The following PDE6A variants were observed in gnomAD, a reference collection of about 807,000 sequenced individuals.
PDE6A encodes the protein rod cGMP-specific 3',5'-cyclic phosphodiesterase subunit alpha.
Under a neutral mutation model 106.3 loss-of-function variants are expected in PDE6A, and 84 were observed. That is an observed-to-expected ratio of 0.79 (90% CI 0.66 to 0.95). The LOEUF is 0.95. Among genes scored for constraint, PDE6A ranks in the 40% least tolerant of loss-of-function variants. The pLI is 0.00. For synonymous variants in PDE6A, 394 were observed against 386.6 expected, an observed-to-expected ratio of 1.02 and a Z score of -0.23; for missense variants, 1,052 against 1,084.9, an observed-to-expected ratio of 0.97 and a Z score of 0.43.
At chr5:149,898,079 C>T (rs1752824339) in intron 10 of PDE6A, among the ~76,000 whole-genome samples, 1 of 152,156 alleles carries the variant, frequency 6.6e-6, no homozygotes, top group African/African-American at 2.4e-5. Flanking sequence ...AACATCTGAC[C>T]CCAAGAATGA....
chr5:149,875,078 A>T (rs1760690385), intron 17 of PDE6A, among the ~76,000 whole-genome samples: 1 of 152,176 alleles, frequency 6.6e-6, no homozygotes, highest in South Asian at 2.1e-4. Flanking sequence ...TAACAGCTAC[A>T]TGCTACCCAG....
At chr5:149,934,432 C>T (rs1482873074) in intron 2 of PDE6A, 134 bp downstream of exon 2, 20 of 870,680 alleles carry the variant, frequency 2.3e-5, no homozygotes, top group Non-Finnish European at 3.9e-5. Context: ...CTGCCTCCCT[C>T]AGAGAACATC....
chr5:149,923,427 G>C (rs541595738), intron 4 of PDE6A, among the ~76,000 whole-genome samples: 2 of 152,104 alleles, frequency 1.3e-5, no homozygotes, highest in African/African-American at 2.4e-5. Flanking sequence ...GAACCCGGGA[G>C]GGGGAGGTTG....
At chr5:149,861,750 G>T (rs1008714143) in intron 21 of PDE6A, among the ~76,000 whole-genome samples, 5 of 151,884 alleles carry the variant, frequency 3.3e-5, no homozygotes, top group Non-Finnish European at 1.5e-5. Flanking sequence ...AAAAATGTTG[G>T]TACTGATTCT....
intron 5 of PDE6A, among the ~76,000 whole-genome samples, chr5:149,920,942 A>AAAAGAAAGAAAGAAGAAAGAAAG (rs1554091216): frequency 4.6e-5 from 5 of 108,350 alleles, no homozygotes; most frequent in South Asian, 6.6e-4. Context: ...GAAAGAGAGA[A>AAAAGAAAGAAAGAAGAAAGAAAG]AAAGAAAGAA....
At chr5:149,929,613 T>TAAATAAATAAAA (rs541984332) in intron 4 of PDE6A, among the ~76,000 whole-genome samples, 2,045 of 148,986 alleles carry the variant, frequency 0.014, 47 homozygotes, top group African/African-American at 0.047. Context: ...TCTCAAAAAA[T>TAAATAAATAAAA]AAATAAATAA....
intron 1 of PDE6A, among the ~76,000 whole-genome samples, chr5:149,936,158 A>AAGGAAGGAAGGAAGG (rs1554092688): frequency 8.4e-5 from 11 of 130,636 alleles, no homozygotes; most frequent in African/African-American, 3.5e-4. Flanking sequence ...TGTCTCTAAA[A>AAGGAAGGAAGGAAGG]AAGGAAGGAA....
chr5:149,896,000 A>G (rs1241065079), intron 12 of PDE6A, among the ~76,000 whole-genome samples: 1 of 152,276 alleles, frequency 6.6e-6, no homozygotes, highest in Admixed American at 6.5e-5. Context: ...AAACCTTAGT[A>G]AGGAATCCTG....
chr5:149,929,223 C>A (rs1354772784), intron 4 of PDE6A, among the ~76,000 whole-genome samples: 1 of 152,140 alleles, frequency 6.6e-6, no homozygotes, highest in Non-Finnish European at 1.5e-5. Flanking sequence ...TGTCCACCAA[C>A]AGTGGAAATG....
At position 149,933,292 on chromosome 5, in the gene PDE6A, A is replaced by T. The variant is rs143424717; in HGVS notation, c.717+638T>A. Among the ~76,000 whole-genome samples the T allele has an allele frequency of 1.2e-4, 19 of 152,288 alleles. No homozygotes were observed. In the South Asian group the frequency reaches 2.7e-3, roughly 22 times the overall value. ...CCATTATCATCCATTTATTTTAAAA[A>T]TTTTATTTTAAAAATAGAGATGGGG... On this transcript the variant is annotated intron_variant, in intron 3 of 21. Transcript: ENST00000255266.
intron 17 of PDE6A, among the ~76,000 whole-genome samples, chr5:149,871,794 G>A (rs1561685970): frequency 1.3e-5 from 2 of 152,304 alleles, no homozygotes; most frequent in South Asian, 4.1e-4. Context: ...GCTTCAGTGT[G>A]GAAGGGACAG....
intron 6 of PDE6A, 32 bp from the exon 7 acceptor site, chr5:149,907,410 CAG>C (rs1561751338): frequency 6.3e-7 from 1 of 1,575,676 alleles, no homozygotes; most frequent in East Asian, 2.2e-5. Context: ...CGGTGACTCT[CAG>C]TGCAGGGATT....
At chr5:149,896,614 G>T (rs1030185350) in intron 11 of PDE6A, 97 bp downstream of exon 11, 2 of 1,613,606 alleles carry the variant, frequency 1.2e-6, no homozygotes, top group Non-Finnish European at 1.7e-6. Context: ...AGAACAGAGT[G>T]ATGGGGAACA....
At position 149,860,952 on chromosome 5, in the gene PDE6A, C is replaced by CCG. The variant is rs1561667840; in HGVS notation, c.2525_2526insCG (p.Asn845GlufsTer48). 1.2e-6 allele frequency: 2 copies of CCG among 1,614,116 alleles called. No individual in the cohort carries two copies. ...CACCCCCTGGGCTGGGGTTTCCCCCCGGCTGATTTCCTGCGGCTGCTGCAA... is the reference window on the plus strand; with the variant it reads ...CACCCCCTGGGCTGGGGTTTCCCCCCCGGGCTGATTTCCTGCGGCTGCTGCAA... On this transcript the variant is annotated frameshift_variant, in exon 22 of 22. Transcript: ENST00000255266. LOFTEE classifies it high-confidence loss of function.
chr5:149,896,071 G>A (rs1219829313), intron 12 of PDE6A, among the ~76,000 whole-genome samples: 1 of 152,110 alleles, frequency 6.6e-6, no homozygotes, highest in Non-Finnish European at 1.5e-5. Flanking sequence ...TTTAACTATA[G>A]GACCCATTTT....
intron 4 of PDE6A, among the ~76,000 whole-genome samples, chr5:149,924,266 CAGA>C (rs1376144829): frequency 1.3e-5 from 2 of 152,008 alleles, no homozygotes; most frequent in East Asian, 1.9e-4. Context: ...TAGAGGAGCC[CAGA>C]AGAAGAACAA....
intron 18 of PDE6A, 99 bp downstream of exon 18, chr5:149,867,996 T>C (rs1760392751): frequency 1.6e-6 from 2 of 1,246,136 alleles, no homozygotes; most frequent in Non-Finnish European, 2.4e-6. Context: ...GGGACACAGG[T>C]GAGCTGGTTC....
intron 7 of PDE6A, among the ~76,000 whole-genome samples, chr5:149,906,519 C>CAAAAAAAAAAAAAACAAAAAAAAAAAAAA (rs1753189884): frequency 1.8e-5 from 1 of 54,204 alleles, no homozygotes; most frequent in Non-Finnish European, 4.0e-5. Flanking sequence ...GAGACACTGT[C>CAAAAAAAAAAAAAACAAAAAAAAAAAAAA]AAAAAAAAAA....
chr5:149,918,395 G>A (rs1329088333), intron 5 of PDE6A, among the ~76,000 whole-genome samples: 2 of 152,086 alleles, frequency 1.3e-5, no homozygotes, highest in African/African-American at 4.8e-5. Flanking sequence ...AGTGCAGAGT[G>A]GTGGTGGTGG....
Sources: gnomAD v4.1 joint callset for allele counts (sites outside exome capture counted in the v4.1 genomes callset) on GRCh38, gnomAD v4.1.1 for gene constraint, MANE v1.5 for transcripts, NCBI Gene and HGNC (gene_info 2026-07-23, HGNC 2026-07-21) for gene names.